COIL: variants seen among roughly 807,000 people sequenced by gnomAD.
COIL encodes the protein coilin p80.
In COIL, 28 loss-of-function variants were observed where a neutral mutation model predicts 51.6. That is an observed-to-expected ratio of 0.54 (90% CI 0.40 to 0.74). The LOEUF (loss-of-function observed/expected upper bound fraction) is 0.74, where lower values mean the gene tolerates loss of function less well. Among genes scored for constraint, COIL ranks in the 30% least tolerant of loss-of-function variants. COIL has a pLI of 0.00. For synonymous variants in COIL, 233 were observed against 255.8 expected (o/e 0.91, Z 0.85); for missense variants, 667 against 685.9 (o/e 0.97, Z 0.31).
rs771741506 is a variant in COIL at position 56,950,704 on chromosome 17, C to T, written c.538G>A (p.Ala180Thr). 5 of 1,611,328 alleles carry T rather than the reference C, an allele frequency of 3.1e-6. No homozygotes were observed. Among genetic ancestry groups the T allele is most frequent in the South Asian group, 2.2e-5 (2 of 90,268 alleles). Residue 180 changes from alanine to threonine, a missense_variant, in exon 2 of 7, where the codon GCC becomes ACC. Physicochemically the swap from Ala to Thr is moderately conservative, Grantham distance 58 (BLOSUM62 0). Coordinates refer to ENST00000240316, the MANE Select transcript of COIL (RefSeq NM_004645.3). ...CGTVGDDNEE[A>T]KRKSPKKKEK... The stretch of plus-strand genomic sequence containing the variant: ...TTTTTCTTTGGTGATTTTCTTTTGG[C>T]CTCTTCGTTATCATCACCCACTGTG...
intron 6 of COIL, 141 bp from the exon 7 acceptor site, chr17:56,939,295 C>T (rs1274394796): frequency 1.6e-6 from 1 of 613,512 alleles, no homozygotes; most frequent in South Asian, 1.9e-5. Flanking sequence ...AGTTCAATTG[C>T]AGTATAGTAA....
intron 1 of COIL, among the ~76,000 whole-genome samples, chr17:56,953,620 A>G (rs1273021726): frequency 2.6e-5 from 4 of 152,130 alleles, no homozygotes; most frequent in Non-Finnish European, 5.9e-5. Flanking sequence ...GTGGCCAGGG[A>G]AAGATGTAGA....
intron 1 of COIL, among the ~76,000 whole-genome samples, chr17:56,957,321 TA>T (rs971562698): frequency 6.0e-5 from 9 of 150,942 alleles, no homozygotes; most frequent in African/African-American, 2.2e-4. Context: ...AAAAATTAAT[TA>T]AAAAAAATTA....
chr17:56,959,951 C>T (rs558914686), intron 1 of COIL, among the ~76,000 whole-genome samples: 56 of 152,262 alleles, frequency 3.7e-4, no homozygotes, highest in Non-Finnish European at 5.4e-4. Flanking sequence ...CGCGGAGGCT[C>T]ACGCCTGTAA....
At chr17:56,939,334 C>T (rs1191838417) in intron 6 of COIL, among the ~76,000 whole-genome samples, 180 bp from the exon 7 acceptor site, 4 of 152,108 alleles carry the variant, frequency 2.6e-5, no homozygotes, top group Non-Finnish European at 5.9e-5. Flanking sequence ...GTGGCTCACA[C>T]CTGTAATCCC....
rs201524016 is a variant in COIL, at chr17:56,959,102, T to G, written c.245+1673A>C. 3.7e-4 allele frequency among the ~76,000 whole-genome samples: 56 copies of G among 151,522 alleles called. 1 individual carries two copies. The highest frequency in any genetic ancestry group is 1.4e-3 in the African/African-American group (56 of 41,248). On this transcript the variant is annotated intron_variant, in intron 1 of 6. Coordinates refer to ENST00000240316, the MANE Select transcript of COIL (RefSeq NM_004645.3). Reference sequence around the variant, plus strand: ...GCTTACGCCTGTAATCCCAGTGCTTTGGGGGGCTGAGGTGAGAGGACAGCT... The same window carrying G: ...GCTTACGCCTGTAATCCCAGTGCTTGGGGGGGCTGAGGTGAGAGGACAGCT...
chr17:56,952,791 TTGTGTGTG>T lies in COIL; in HGVS notation c.246-1803_246-1796del, dbSNP rs145341247. Among the ~76,000 whole-genome samples the T allele has an allele frequency of 3.6e-3, 529 of 149,012 alleles. 3 individuals carry two copies. Among genetic ancestry groups the T allele is most frequent in the Non-Finnish European group, 5.8e-3 (389 of 66,920 alleles). ...AAATCCCATGTCTGTGAGTGAGTAT[TTGTGTGTG>T]TGTGTGTGTGTGTGTGTCTTACTGG... On this transcript the variant is annotated intron_variant, in intron 1 of 6. Transcript: ENST00000240316.
intron 1 of COIL, among the ~76,000 whole-genome samples, chr17:56,954,357 T>A (rs1162842379): frequency 1.3e-5 from 2 of 152,000 alleles, no homozygotes; most frequent in Non-Finnish European, 2.9e-5. Context: ...GGTCAAGAGA[T>A]CGAGACCAGC....
chr17:56,956,980 GTT>G (rs764103799), intron 1 of COIL, among the ~76,000 whole-genome samples: 176 of 152,274 alleles, frequency 1.2e-3, no homozygotes, highest in Non-Finnish European at 2.1e-3. Flanking sequence ...TCAAAAGGGA[GTT>G]TCTCAGGCCG....
chr17:56,943,577 C>CTG (rs2144392398), intron 5 of COIL, among the ~76,000 whole-genome samples: 1 of 152,354 alleles, frequency 6.6e-6, no homozygotes, highest in East Asian at 1.9e-4. Flanking sequence ...ACTGCATGCT[C>CTG]TGCTCTGTAT....
intron 1 of COIL, among the ~76,000 whole-genome samples, chr17:56,957,402 T>C (rs1476023946): frequency 6.6e-6 from 1 of 152,012 alleles, no homozygotes; most frequent in African/African-American, 2.4e-5. Context: ...GGCAAATCAC[T>C]TGAGGTCACA....
chr17:56,958,796 G>A (rs1380416915), intron 1 of COIL, among the ~76,000 whole-genome samples: 4 of 151,890 alleles, frequency 2.6e-5, no homozygotes, highest in Non-Finnish European at 5.9e-5. Flanking sequence ...AATAAAAAGG[G>A]GGAAAAAAAA....
At chr17:56,944,417 C>T (rs769928815) in intron 5 of COIL, among the ~76,000 whole-genome samples, 7 of 151,190 alleles carry the variant, frequency 4.6e-5, no homozygotes, top group Non-Finnish European at 8.8e-5. Flanking sequence ...ACAGTGAAAC[C>T]CCATCTCTAC....
intron 3 of COIL, 92 bp downstream of exon 3, chr17:56,949,589 C>T: frequency 1.1e-5 from 15 of 1,418,060 alleles, no homozygotes; most frequent in Non-Finnish European, 1.5e-5. Context: ...GTGGGAAGGG[C>T]TTTTACAAAC....
At chr17:56,946,297 C>A in intron 5 of COIL, 145 bp downstream of exon 5, 1 of 537,728 alleles carries the variant, frequency 1.9e-6, no homozygotes. Context: ...CTCTTATGAG[C>A]CCCCAGGGCT....
chr17:56,957,152 G>A (rs1183950806), intron 1 of COIL, among the ~76,000 whole-genome samples: 2 of 151,856 alleles, frequency 1.3e-5, no homozygotes, highest in Non-Finnish European at 1.5e-5. Flanking sequence ...AAAGGCTGAG[G>A]CAGGAGGAGC....
Position 56,950,336 on chromosome 17 carries a change from A to T in COIL, c.906T>A (p.Leu302=). 6.2e-7 allele frequency: 1 copy of T among 1,614,214 alleles called. No homozygotes were observed. The highest frequency in any genetic ancestry group is 8.5e-7 in the Non-Finnish European group (1 of 1,180,038). ...DKLAIKLGFS[L]TPSKGKTSGT... The stretch of plus-strand genomic sequence containing the variant: ...CAGAGGTCTTGCCCTTGCTGGGGGT[A>T]AGGCTAAAGCCAAGTTTTATAGCCA... Residue 302 remains leucine (L), a synonymous_variant, in exon 2 of 7, where the codon CTT becomes CTA. Coordinates refer to ENST00000240316, the MANE Select transcript of COIL (RefSeq NM_004645.3).
At chr17:56,944,629 T>C (rs1910210502) in intron 5 of COIL, among the ~76,000 whole-genome samples, 1 of 151,812 alleles carries the variant, frequency 6.6e-6, no homozygotes, top group African/African-American at 2.4e-5. Context: ...GTAAGTTATA[T>C]ATAAACATTT....
intron 1 of COIL, among the ~76,000 whole-genome samples, chr17:56,954,894 T>G (rs1736852113): frequency 6.6e-6 from 1 of 152,142 alleles, no homozygotes; most frequent in Non-Finnish European, 1.5e-5. Context: ...TTAGTTACCA[T>G]TCCTGTCAGG....
Sources: allele counts gnomAD v4.1 joint callset (sites outside exome capture counted in the v4.1 genomes callset), GRCh38; gene constraint gnomAD v4.1.1; transcripts MANE v1.5; gene names NCBI Gene and HGNC (gene_info 2026-07-23, HGNC 2026-07-21).